Variants in SORCS3 observed in about 807,000 individuals in gnomAD.
The protein encoded by SORCS3 is VPS10 domain-containing receptor SorCS3.
In SORCS3, 57 loss-of-function variants were observed where a neutral mutation model predicts 146.3. The ratio of observed to expected loss-of-function variants is 0.39; its 90% confidence interval spans 0.31 to 0.49. The LOEUF (loss-of-function observed/expected upper bound fraction) is 0.49, where lower values mean the gene tolerates loss of function less well. SORCS3 is among the 20% of genes least tolerant of loss of function. The pLI is 0.92. For synonymous variants in SORCS3, 653 were observed against 618.5 expected, an observed-to-expected ratio of 1.06 and a Z score of -0.83; for missense variants, 1,341 against 1,575.5, an observed-to-expected ratio of 0.85 and a Z score of 2.52.
chr10:104,862,456 A>T (rs1423821410), intron 2 of SORCS3, among the ~76,000 whole-genome samples: 2 of 152,202 alleles, frequency 1.3e-5, no homozygotes, highest in African/African-American at 4.8e-5. Context: ...GATAAGTGAC[A>T]TTTAATGAAT....
chr10:105,122,204 G>T (rs763916204), intron 7 of SORCS3, among the ~76,000 whole-genome samples: 1 of 152,150 alleles, frequency 6.6e-6, no homozygotes, highest in African/African-American at 2.4e-5. Flanking sequence ...TCCCATTACC[G>T]CTCTAATTAG....
At chr10:104,968,991 A>C (rs2054842826) in intron 3 of SORCS3, among the ~76,000 whole-genome samples, 1 of 152,202 alleles carries the variant, frequency 6.6e-6, no homozygotes, top group Non-Finnish European at 1.5e-5. Context: ...TTGCCCTCAC[A>C]GGCATTGGGA....
chr10:104,656,622 C>G lies in SORCS3; in HGVS notation c.627+14668C>G, dbSNP rs112766940. ...GAGGCTGCAGTGAGCTGTGATCATG[C>G]CACTGCACTCTAACCTGGATGACAG... On this transcript the variant is annotated intron_variant, in intron 1 of 26. Transcript: ENST00000369701. 4.9e-3 allele frequency among the ~76,000 whole-genome samples: 748 copies of G among 151,962 alleles called. 2 individuals carry two copies. Among genetic ancestry groups the G allele is most frequent in the Middle Eastern group, 0.02 (6 of 294 alleles).
At chr10:104,983,769 C>G (rs2054945560) in intron 4 of SORCS3, among the ~76,000 whole-genome samples, 1 of 151,862 alleles carries the variant, frequency 6.6e-6, no homozygotes, top group Non-Finnish European at 1.5e-5. Flanking sequence ...CTTTGCAAGT[C>G]CCTATGACCT....
At chr10:104,800,416 A>G (rs2017611746) in intron 1 of SORCS3, among the ~76,000 whole-genome samples, 1 of 152,162 alleles carries the variant, frequency 6.6e-6, no homozygotes, top group South Asian at 2.1e-4. Flanking sequence ...GTGTCATTAT[A>G]CTTTTGTCAA....
At chr10:104,642,018 G>A in intron 1 of SORCS3, 64 bp downstream of exon 1, 3 of 405,690 alleles carry the variant, frequency 7.4e-6, no homozygotes, top group South Asian at 1.9e-5. Flanking sequence ...GGGGGGGTGG[G>A]TGGGAGCGAG....
At chr10:105,090,702 G>GA (rs1192368424) in intron 6 of SORCS3, among the ~76,000 whole-genome samples, 2 of 152,094 alleles carry the variant, frequency 1.3e-5, no homozygotes, top group Non-Finnish European at 2.9e-5. Flanking sequence ...TTGATACCAG[G>GA]AAAAACTCCT....
chr10:104,655,867 G>A (rs556277363), intron 1 of SORCS3, among the ~76,000 whole-genome samples: 6 of 152,196 alleles, frequency 3.9e-5, no homozygotes, highest in African/African-American at 1.4e-4. Context: ...GGTCTCCCCA[G>A]AAGCAGAAGC....
At chr10:105,060,213 C>A (rs550519412) in intron 5 of SORCS3, among the ~76,000 whole-genome samples, 13 of 152,154 alleles carry the variant, frequency 8.5e-5, no homozygotes, top group Non-Finnish European at 1.6e-4. Context: ...GATCCTCTGG[C>A]ATGGTGGGTA....
chr10:104,782,481 A>G (rs185280990), intron 1 of SORCS3, among the ~76,000 whole-genome samples: 51 of 152,376 alleles, frequency 3.3e-4, no homozygotes, highest in African/African-American at 8.9e-4. Context: ...GATGTGCAAT[A>G]AGATTGCAAA....
intron 1 of SORCS3, among the ~76,000 whole-genome samples, chr10:104,714,287 T>C (rs1375233209): frequency 6.6e-6 from 1 of 152,108 alleles, no homozygotes; most frequent in Non-Finnish European, 1.5e-5. Context: ...TCTTTTTTTC[T>C]CACCTGCTTT....
In SORCS3 at chr10:104,679,334, G is replaced by A. The variant is rs773829285; in HGVS notation, c.627+37380G>A. On this transcript the variant is annotated intron_variant, in intron 1 of 26. Coordinates refer to ENST00000369701, the MANE Select transcript of SORCS3 (RefSeq NM_014978.3). The stretch of plus-strand genomic sequence containing the variant: ...TAGACCACTTAGGGCTGCTGAGAAC[G>A]TTGTCTACCTTGAAAGAGAAATGAA... Among the ~76,000 whole-genome samples the A allele has an allele frequency of 2.6e-5, 4 of 152,136 alleles. No individual in the cohort carries two copies. In the East Asian group the frequency reaches 7.7e-4, roughly 29 times the overall value.
intron 6 of SORCS3, among the ~76,000 whole-genome samples, chr10:105,090,886 T>C (rs2055697181): frequency 6.6e-6 from 1 of 152,206 alleles, no homozygotes; most frequent in Admixed American, 6.5e-5. Flanking sequence ...TGTGGTATCG[T>C]TCAGAGTTTA....
chr10:105,040,207 T>G (rs1252768644), intron 4 of SORCS3, among the ~76,000 whole-genome samples: 1 of 152,134 alleles, frequency 6.6e-6, no homozygotes, highest in African/African-American at 2.4e-5. Context: ...TTCTTCCCAA[T>G]GGGATGGTCT....
intron 2 of SORCS3, among the ~76,000 whole-genome samples, chr10:104,903,460 A>T (rs563084373): frequency 2.4e-4 from 36 of 152,318 alleles, no homozygotes; most frequent in African/African-American, 8.7e-4. Flanking sequence ...AAGGAAAGAT[A>T]ACAGAAGAGC....
At chr10:104,822,361 AT>A (rs1335479748) in intron 1 of SORCS3, among the ~76,000 whole-genome samples, 1 of 152,206 alleles carries the variant, frequency 6.6e-6, no homozygotes, top group Non-Finnish European at 1.5e-5. Flanking sequence ...TTACAGAGAT[AT>A]TTTGCCAAAG....
intron 1 of SORCS3, among the ~76,000 whole-genome samples, chr10:104,789,270 C>T (rs901956577): frequency 6.6e-6 from 1 of 152,166 alleles, no homozygotes; most frequent in Non-Finnish European, 1.5e-5. Context: ...CTGTAATGCC[C>T]AGCCTTGGGC....
At chr10:105,184,807 T>G (rs373627944) in intron 14 of SORCS3, among the ~76,000 whole-genome samples, 26 of 152,342 alleles carry the variant, frequency 1.7e-4, no homozygotes, top group African/African-American at 6.3e-4. Context: ...TTTGTGAGTT[T>G]TTTTGGGTAA....
chr10:104,829,530 G>A (rs1046464899), intron 1 of SORCS3, among the ~76,000 whole-genome samples: 1 of 152,180 alleles, frequency 6.6e-6, no homozygotes, highest in Non-Finnish European at 1.5e-5. Context: ...ATTTGGGAAA[G>A]TGGCTCTAGA....
Sources: allele counts gnomAD v4.1 joint callset (sites outside exome capture counted in the v4.1 genomes callset), GRCh38; gene constraint gnomAD v4.1.1; transcripts MANE v1.5; gene names NCBI Gene and HGNC (gene_info 2026-07-23, HGNC 2026-07-21).